TSPAN5: variants seen among roughly 807,000 people sequenced by gnomAD.
The protein encoded by TSPAN5 is tetraspanin 5, also known as tetraspanin-5.
In TSPAN5, 10 loss-of-function variants were observed where a neutral mutation model predicts 37.1. That is an observed-to-expected ratio of 0.27 (90% CI 0.17 to 0.46). TSPAN5 has a LOEUF of 0.46. Ranked by LOEUF, TSPAN5 falls within the 20% of genes least tolerant of loss-of-function variation. TSPAN5 has a pLI of 1.00. For missense variants in TSPAN5, 195 were observed against 326.6 expected, an observed-to-expected ratio of 0.60 and a Z score of 3.11; for synonymous variants, 110 against 118.9, an observed-to-expected ratio of 0.93 and a Z score of 0.48.
At chr4:98,604,148 G>C (rs117521839) in intron 1 of TSPAN5, among the ~76,000 whole-genome samples, 1 of 151,786 alleles carries the variant, frequency 6.6e-6, no homozygotes, top group East Asian at 1.9e-4. Context: ...GGCACTCTGT[G>C]ATCTCGTAGT....
At chr4:98,572,931 C>A (rs994054627) in intron 1 of TSPAN5, among the ~76,000 whole-genome samples, 2 of 152,216 alleles carry the variant, frequency 1.3e-5, no homozygotes, top group African/African-American at 4.8e-5. Context: ...ATCTTGCCCA[C>A]TGCATAATTA....
In TSPAN5 at chr4:98,607,949, G is replaced by A. The variant is rs544492020; in HGVS notation, c.81+50197C>T. Among the ~76,000 whole-genome samples, 17 of 152,208 alleles carry A rather than the reference G, an allele frequency of 1.1e-4. No individual in the cohort carries two copies. In the South Asian group the frequency reaches 3.5e-3, roughly 32 times the overall value. On this transcript the variant is annotated intron_variant, in intron 1 of 7. Coordinates refer to ENST00000305798, the MANE Select transcript of TSPAN5 (RefSeq NM_005723.4). ...TGGTCTCAAACTCCTGACCGCAAGTGATCCGCCTGCCTCGGGCTCCCAAAG... is the reference window on the plus strand; with the variant it reads ...TGGTCTCAAACTCCTGACCGCAAGTAATCCGCCTGCCTCGGGCTCCCAAAG...
intron 1 of TSPAN5, among the ~76,000 whole-genome samples, chr4:98,646,232 T>A (rs1757066234): frequency 6.6e-6 from 1 of 152,140 alleles, no homozygotes; most frequent in Non-Finnish European, 1.5e-5. Flanking sequence ...TAGCTCTGCA[T>A]CAGCTGGAAG....
intron 1 of TSPAN5, among the ~76,000 whole-genome samples, chr4:98,528,137 C>T (rs1754002180): frequency 6.6e-6 from 1 of 152,244 alleles, no homozygotes; most frequent in East Asian, 1.9e-4. Flanking sequence ...AAATACCCTG[C>T]AAATCAGAAA....
intron 1 of TSPAN5, among the ~76,000 whole-genome samples, chr4:98,568,851 C>T (rs1159313813): frequency 1.3e-5 from 2 of 152,126 alleles, no homozygotes; most frequent in African/African-American, 2.4e-5. Flanking sequence ...ATCAGAAGGG[C>T]TTGGTCAGAT....
chr4:98,494,453 C>T (rs1003186257), intron 2 of TSPAN5, among the ~76,000 whole-genome samples: 15 of 117,186 alleles, frequency 1.3e-4, no homozygotes, highest in Non-Finnish European at 2.4e-4. Flanking sequence ...TGCCTAAGAT[C>T]GCACTTACTA....
At chr4:98,600,201 G>A (rs62323639) in intron 1 of TSPAN5, among the ~76,000 whole-genome samples, 11,785 of 152,134 alleles carry the variant, frequency 0.077, 498 homozygotes, top group South Asian at 0.099. Flanking sequence ...TTAGCACATC[G>A]TAATCTTTTT....
chr4:98,592,828 A>C (rs1579015980), intron 1 of TSPAN5, among the ~76,000 whole-genome samples: 2 of 150,348 alleles, frequency 1.3e-5, no homozygotes, highest in African/African-American at 4.9e-5. Context: ...TTCTTAATCC[A>C]GTCTATCATT....
chr4:98,475,789 A>G (rs1431301023), intron 7 of TSPAN5, among the ~76,000 whole-genome samples: 1 of 152,170 alleles, frequency 6.6e-6, no homozygotes, highest in African/African-American at 2.4e-5. Flanking sequence ...GGAGATCGAG[A>G]CCATCCTAGC....
chr4:98,536,599 G>C (rs999113869), intron 1 of TSPAN5, among the ~76,000 whole-genome samples: 1 of 152,236 alleles, frequency 6.6e-6, no homozygotes, highest in African/African-American at 2.4e-5. Context: ...TGCGCCCATA[G>C]CCACCCCTTT....
intron 1 of TSPAN5, chr4:98,657,688 GC>G (rs1202753200): frequency 4.4e-6 from 1 of 229,214 alleles, no homozygotes; most frequent in African/African-American, 2.4e-5. Flanking sequence ...ACCAGCCGCG[GC>G]AACACGGAGC....
intron 2 of TSPAN5, among the ~76,000 whole-genome samples, chr4:98,499,407 C>T (rs1365584523): frequency 6.6e-6 from 1 of 152,170 alleles, no homozygotes; most frequent in Non-Finnish European, 1.5e-5. Flanking sequence ...AATCACTGGG[C>T]CTGGATCTGT....
At chr4:98,482,979 C>T (rs1183741336) in intron 3 of TSPAN5, 1 of 152,234 alleles carries the variant, frequency 6.6e-6, no homozygotes, top group Non-Finnish European at 1.5e-5. Context: ...GCCCGTAACT[C>T]TGGAGAAATT....
At chr4:98,653,538 A>G (rs2110294220) in intron 1 of TSPAN5, among the ~76,000 whole-genome samples, 1 of 152,206 alleles carries the variant, frequency 6.6e-6, no homozygotes, top group East Asian at 1.9e-4. Context: ...AATCTATTGA[A>G]TCCATTTGCC....
chr4:98,486,957 C>T, intron 2 of TSPAN5, 73 bp from the exon 3 acceptor site: 2 of 1,509,332 alleles, frequency 1.3e-6, no homozygotes, highest in Non-Finnish European at 9.0e-7. Flanking sequence ...AAGATTATTG[C>T]ATTTGTCCTT....
intron 1 of TSPAN5, among the ~76,000 whole-genome samples, chr4:98,539,464 A>G (rs1045247038): frequency 1.3e-5 from 2 of 152,108 alleles, no homozygotes; most frequent in African/African-American, 4.8e-5. Context: ...CCAAACCACA[A>G]TTTTGACATG....
At chr4:98,571,909 T>G (rs1755130747) in intron 1 of TSPAN5, among the ~76,000 whole-genome samples, 1 of 152,142 alleles carries the variant, frequency 6.6e-6, no homozygotes, top group Non-Finnish European at 1.5e-5. Flanking sequence ...GATATTACAG[T>G]CCGGTGGTGG....
intron 2 of TSPAN5, among the ~76,000 whole-genome samples, chr4:98,503,204 T>C (rs983427413): frequency 2.6e-5 from 4 of 152,028 alleles, no homozygotes; most frequent in African/African-American, 9.7e-5. Flanking sequence ...TGCAACCTAC[T>C]TGGGACTCTC....
intron 1 of TSPAN5, among the ~76,000 whole-genome samples, chr4:98,555,248 C>G (rs1018880008): frequency 8.5e-5 from 13 of 152,130 alleles, no homozygotes; most frequent in Non-Finnish European, 1.8e-4. Flanking sequence ...TTTCTACCAA[C>G]TCTCCAATTT....
Sources: allele counts gnomAD v4.1 joint callset (sites outside exome capture counted in the v4.1 genomes callset), GRCh38; gene constraint gnomAD v4.1.1; transcripts MANE v1.5; gene names NCBI Gene and HGNC (gene_info 2026-07-23, HGNC 2026-07-21).